SHISAL1: variants seen among roughly 807,000 people sequenced by gnomAD.
SHISAL1 encodes shisa like 1.
Under a neutral mutation model 22.6 loss-of-function variants are expected in SHISAL1, and 9 were observed. The observed-to-expected ratio is 0.40, with a 90% CI of 0.24 to 0.70. SHISAL1 has a LOEUF of 0.70. Among genes scored for constraint, SHISAL1 ranks in the 30% least tolerant of loss-of-function variants. The pLI is 0.39. For missense variants in SHISAL1, 246 were observed against 270.6 expected (o/e 0.91, Z 0.64); for synonymous variants, 119 against 115.4 (o/e 1.03, Z -0.20).
intron 4 of SHISAL1, among the ~76,000 whole-genome samples, chr22:44,261,996 G>GCTGGAT (rs59779674): frequency 6.6e-6 from 1 of 151,670 alleles, no homozygotes; most frequent in African/African-American, 2.4e-5. Flanking sequence ...CTGGGCTGGG[G>GCTGGAT]GCTCAGAACT....
In SHISAL1 at chr22:44,310,241, C is replaced by A. The variant is rs544817521; in HGVS notation, c.-33+2510G>T. Among the ~76,000 whole-genome samples the A allele has an allele frequency of 6.6e-6, 1 of 152,180 alleles. No individual in the cohort carries two copies. Among genetic ancestry groups the A allele is most frequent in the Non-Finnish European group, 1.5e-5 (1 of 68,038 alleles). On this transcript the variant is annotated intron_variant, in intron 1 of 4. Transcript: ENST00000381176. The surrounding 1 kb of genome is among the most constrained non-coding windows in gnomAD (Gnocchi z 4.0). ...CTCTATGGGCAGCACAGGCCTGACA[C>A]GTAGTAGGCACTTTATAAACATGTG...
In SHISAL1 at chr22:44,288,178, G is replaced by A. The variant is rs191623862; in HGVS notation, c.282-2433C>T. On this transcript the variant is annotated intron_variant, in intron 3 of 4. Transcript: ENST00000381176. ...TTCATCATTGTCATCCCTGCTTTAC[G>A]GATGGAAAACTGAGGCTCGGTGGAA... Among the ~76,000 whole-genome samples the A allele has an allele frequency of 3.0e-3, 462 of 152,354 alleles. 3 individuals are homozygous for A. Among genetic ancestry groups the A allele is most frequent in the African/African-American group, 0.011 (440 of 41,584 alleles).
chr22:44,325,455 T>C, the SHISAL1 span, among the ~76,000 whole-genome samples: 1 of 152,192 alleles, frequency 6.6e-6, no homozygotes, highest in Non-Finnish European at 1.5e-5. Context: ...CAGCCCCTCT[T>C]GCAGCCAGGG....
chr22:44,276,196 C>G (rs1461277744), intron 4 of SHISAL1, among the ~76,000 whole-genome samples: 1 of 152,136 alleles, frequency 6.6e-6, no homozygotes, highest in Non-Finnish European at 1.5e-5. Context: ...GGGAAGGCCC[C>G]TCTGATCGGG....
the SHISAL1 span, among the ~76,000 whole-genome samples, chr22:44,330,978 A>G: frequency 3.3e-5 from 5 of 151,986 alleles, no homozygotes; most frequent in African/African-American, 7.2e-5. Flanking sequence ...CTGGGTCCGC[A>G]GCGTGGCCCT....
At chr22:44,302,324 A>G (rs1182259717) in intron 1 of SHISAL1, among the ~76,000 whole-genome samples, 1 of 138,004 alleles carries the variant, frequency 7.2e-6, no homozygotes. Flanking sequence ...TGGGCGACAG[A>G]GCGAGACTCC....
At chr22:44,294,331 A>T (rs1288605451) in intron 3 of SHISAL1, among the ~76,000 whole-genome samples, 1 of 152,120 alleles carries the variant, frequency 6.6e-6, no homozygotes, top group Admixed American at 6.5e-5. Context: ...AGGTGGGGAG[A>T]CTTGGAACAG....
chr22:44,274,759 G>A (rs995721160), intron 4 of SHISAL1, among the ~76,000 whole-genome samples: 2 of 152,154 alleles, frequency 1.3e-5, no homozygotes, highest in African/African-American at 2.4e-5. Flanking sequence ...GGAGAAAAAC[G>A]CAAAGCAGTC....
intron 4 of SHISAL1, among the ~76,000 whole-genome samples, chr22:44,253,193 A>G (rs1432425747): frequency 6.6e-6 from 1 of 152,108 alleles, no homozygotes; most frequent in African/African-American, 2.4e-5. Context: ...TAACAAACAA[A>G]TGCAAATGAA....
chr22:44,301,499 G>T (rs1001227034), intron 1 of SHISAL1, among the ~76,000 whole-genome samples: 1 of 152,228 alleles, frequency 6.6e-6, no homozygotes, highest in Non-Finnish European at 1.5e-5. Context: ...TTCTACTCAG[G>T]AAGGCTGACA....
chr22:44,311,042 A>G (rs2055514327), intron 1 of SHISAL1, among the ~76,000 whole-genome samples: 1 of 152,038 alleles, frequency 6.6e-6, no homozygotes, highest in African/African-American at 2.4e-5. Context: ...CCTTCAACTG[A>G]GACATGGCCT....
chr22:44,318,106 G>A, the SHISAL1 span, among the ~76,000 whole-genome samples: 4 of 152,242 alleles, frequency 2.6e-5, no homozygotes, highest in African/African-American at 7.2e-5. Flanking sequence ...GGAGCCCACC[G>A]TGGGGGCGGG....
In SHISAL1 at chr22:44,244,192, G is replaced by T. The variant is rs2054979010; in HGVS notation, c.*5493C>A. On this transcript the variant is annotated 3_prime_UTR_variant, in exon 5 of 5. Transcript: ENST00000381176. The stretch of plus-strand genomic sequence containing the variant: ...TTGGGCCACCAGCTTGGTTCCAGCT[G>T]TGGCCAGGGTGGCCATATCATCTAT... 1 of 152,260 alleles carries T rather than the reference G, an allele frequency of 6.6e-6. No individual in the cohort carries two copies. The highest frequency in any genetic ancestry group is 1.5e-5 in the Non-Finnish European group (1 of 68,056). 9.4% of individuals were successfully genotyped at this position (152,260 alleles called of 1,614,324 possible).
upstream of SHISAL1, among the ~76,000 whole-genome samples, chr22:44,316,718 G>A (rs548302634): frequency 2.0e-5 from 3 of 152,128 alleles, no homozygotes; most frequent in Non-Finnish European, 2.9e-5. Flanking sequence ...AGGCTCTCGC[G>A]CCACCCTTCC....
At chr22:44,276,524 AGAGAAG>A (rs145664454) in intron 4 of SHISAL1, among the ~76,000 whole-genome samples, 12,053 of 151,290 alleles carry the variant, frequency 0.08, 1,077 homozygotes, top group African/African-American at 0.19. Flanking sequence ...CATCCTGGCC[AGAGAAG>A]ATGGACAAGG....
At position 44,253,425 on chromosome 22, in the gene SHISAL1, A is replaced by ATTTTTTTTTTTTTTTTT. The variant is rs1491154287; in HGVS notation, c.*-3741_*-3740insAAAAAAAAAAAAAAAAA. On this transcript the variant is annotated intron_variant, in intron 4 of 4. Transcript: ENST00000381176. ...AAGCAGAGTATGCTAGTATTAGTGCATGTTTTTTTTTTTTTTTTTTTTTGA... is the reference window on the plus strand; with the variant it reads ...AAGCAGAGTATGCTAGTATTAGTGCATTTTTTTTTTTTTTTTTTGTTTTTTTTTTTTTTTTTTTTTGA... Among the ~76,000 whole-genome samples the ATTTTTTTTTTTTTTTTT allele has an allele frequency of 9.3e-5, 10 of 107,884 alleles. 5 individuals are homozygous for ATTTTTTTTTTTTTTTTT. Among genetic ancestry groups the ATTTTTTTTTTTTTTTTT allele is most frequent in the Non-Finnish European group, 1.2e-4 (6 of 50,378 alleles). 70.8% of individuals were successfully genotyped at this position (107,884 alleles called of 152,430 possible).
At position 44,246,678 on chromosome 22, in the gene SHISAL1, G is replaced by C. The variant is rs1166697664; in HGVS notation, c.*3007C>G. 6.7e-6 allele frequency: 1 copy of C among 150,186 alleles called. No individual in the cohort carries two copies. 9.3% of individuals were successfully genotyped at this position (150,186 alleles called of 1,614,324 possible). On this transcript the variant is annotated 3_prime_UTR_variant, in exon 5 of 5. Transcript: ENST00000381176. ...TACACACACACCTGCTTTCCACACTGAGTGTTCACACCCACATGCACACTG... is the reference window on the plus strand; with the variant it reads ...TACACACACACCTGCTTTCCACACTCAGTGTTCACACCCACATGCACACTG...
the SHISAL1 span, among the ~76,000 whole-genome samples, chr22:44,323,698 C>T: frequency 1.4e-5 from 2 of 147,662 alleles, no homozygotes; most frequent in Non-Finnish European, 3.0e-5. Flanking sequence ...CATCTATCAT[C>T]CCTTCATTCT....
the SHISAL1 span, among the ~76,000 whole-genome samples, chr22:44,321,684 C>T: frequency 6.6e-6 from 1 of 152,184 alleles, no homozygotes; most frequent in African/African-American, 2.4e-5. Flanking sequence ...GCCTGCCTGG[C>T]ACCCACCCCC....
Sources: gnomAD v4.1 joint callset for allele counts (sites outside exome capture counted in the v4.1 genomes callset) on GRCh38, gnomAD v4.1.1 for gene constraint, Gnocchi (gnomAD v3.1) non-coding constraint, MANE v1.5 for transcripts, NCBI Gene and HGNC (gene_info 2026-07-23, HGNC 2026-07-21) for gene names.